Variants in SLC35E4 observed in about 807,000 individuals in gnomAD.
SLC35E4 encodes the protein solute carrier family 35 member E4.
A neutral mutation model predicts 19.3 loss-of-function variants in SLC35E4; 15 were observed. The ratio of observed to expected loss-of-function variants is 0.78; its 90% CI spans 0.52 to 1.20. The LOEUF is 1.20. Ranked by LOEUF, SLC35E4 falls within the 50% of genes most tolerant of loss-of-function variation. The pLI is 0.00. For synonymous variants in SLC35E4, 219 were observed against 219.9 expected, an observed-to-expected ratio of 1.00 and a Z score of 0.04; for missense variants, 406 against 472.3, an observed-to-expected ratio of 0.86 and a Z score of 1.30.
At chr22:30,638,174 G>C (rs987382897) in intron 1 of SLC35E4, among the ~76,000 whole-genome samples, 1 of 151,312 alleles carries the variant, frequency 6.6e-6, no homozygotes, top group African/African-American at 2.4e-5. Flanking sequence ...AGACCACCCT[G>C]GCCAACATGG....
At chr22:30,663,166 C>T (rs1467299609) in exon 3 of SLC35E4, 9 of 418,094 alleles carry the variant, frequency 2.2e-5, no homozygotes, top group Non-Finnish European at 3.9e-5. Context: ...GTGCTGCCCT[C>T]TTTCTTCTGG....
At chr22:30,662,421 T>G (rs1480503289) in exon 3 of SLC35E4, 1 of 152,208 alleles carries the variant, frequency 6.6e-6, no homozygotes, top group African/African-American at 2.4e-5. Flanking sequence ...TTAGGCCTGT[T>G]TTTCTCATGT....
chr22:30,656,269 A>C (rs751663721), intron 2 of SLC35E4, among the ~76,000 whole-genome samples: 6 of 152,006 alleles, frequency 3.9e-5, no homozygotes, highest in Non-Finnish European at 5.9e-5. Flanking sequence ...GAGCCACTGC[A>C]CTTGGACTCT....
exon 3 of SLC35E4, chr22:30,668,534 C>G (rs1191189688): frequency 6.6e-6 from 1 of 152,408 alleles, no homozygotes; most frequent in Non-Finnish European, 1.5e-5. Flanking sequence ...ATCCCCATCT[C>G]CAGTCCACAT....
Position 30,636,933 on chromosome 22 carries a change from A to G in SLC35E4, c.483A>G (p.Pro161=), listed in dbSNP as rs5997714. The change falls in exon 1 of 2, where the codon CCA becomes CCG. Residue 161 remains proline (P), a synonymous_variant. Transcript: ENST00000343605. ...SALLLGRRHH[P]LQLAAMGPLC... ...TGCTGCTGGGCCGCCGCCACCACCC[A>G]CTTCAGTTGGCCGCCATGGGTCCGC... 949,923 of 1,611,322 alleles carry G rather than the reference A, an allele frequency of 0.59. 285,748 individuals are homozygous for G. Among genetic ancestry groups the G allele is most frequent in the African/African-American group, 0.85 (64,101 of 75,004 alleles).
downstream of SLC35E4, chr22:30,649,025 G>GT (rs2088173889): frequency 4.0e-5 from 24 of 604,652 alleles, no homozygotes; most frequent in South Asian, 4.2e-4. Context: ...CTTGGCTCTT[G>GT]TAACACCTAA....
At position 30,644,803 on chromosome 22, in the gene SLC35E4, T is replaced by C. The variant is rs147743623; in HGVS notation, c.620-1795T>C. ...ACCCTGTCTCAAATAATAATAATAA[T>C]GTCATTTCGCCTGGGCACCCCTTTG... On this transcript the variant is annotated intron_variant, in intron 1 of 1. Coordinates refer to ENST00000343605, the MANE Select transcript of SLC35E4 (RefSeq NM_001001479.4). 2.3e-3 allele frequency among the ~76,000 whole-genome samples: 346 copies of C among 152,122 alleles called. 1 individual carries two copies. The highest frequency in any genetic ancestry group is 3.4e-3 in the Middle Eastern group (1 of 294).
intron 2 of SLC35E4, among the ~76,000 whole-genome samples, chr22:30,656,519 G>A (rs371556452): frequency 1.9e-4 from 29 of 152,304 alleles, no homozygotes; most frequent in African/African-American, 4.8e-4. Context: ...CTTTTGGAGT[G>A]AGAAAGTTAA....
At chr22:30,663,676 G>C, downstream of SLC35E4, 1 of 1,614,222 alleles carries the variant, frequency 6.2e-7, no homozygotes, top group East Asian at 2.2e-5. Flanking sequence ...GCAGCTGAGC[G>C]GCTCACACCA....
intron 2 of SLC35E4, chr22:30,662,024 T>TA (rs1264778655): frequency 7.6e-6 from 1 of 131,642 alleles, no homozygotes; most frequent in Non-Finnish European, 1.6e-5. Context: ...TGAAAGGACT[T>TA]AAACCATTTT....
At chr22:30,651,379 G>T (rs1042711481), downstream of SLC35E4, among the ~76,000 whole-genome samples, 5,065 of 28,722 alleles carry the variant, frequency 0.18, 242 homozygotes, top group East Asian at 0.43. Context: ...TTTTGTGTGT[G>T]TGTGTGTGTG....
chr22:30,666,308 A>G (rs549621597), downstream of SLC35E4, among the ~76,000 whole-genome samples: 227 of 152,228 alleles, frequency 1.5e-3, no homozygotes, highest in African/African-American at 5.0e-3. Context: ...GCGAGGAGTC[A>G]TTTTCATGCT....
At chr22:30,664,195 T>A (rs137884088), downstream of SLC35E4, 118 of 606,266 alleles carry the variant, frequency 1.9e-4, 1 homozygote, top group East Asian at 2.9e-3. Flanking sequence ...CCTCTGACCA[T>A]CACAGCAGAA....
intron 1 of SLC35E4, among the ~76,000 whole-genome samples, chr22:30,643,488 C>A (rs1281457857): frequency 1.3e-5 from 2 of 152,132 alleles, no homozygotes; most frequent in Non-Finnish European, 2.9e-5. Context: ...CCACACCATG[C>A]CCAGCTCTTC....
At chr22:30,657,276 A>AACAC (rs146940549) in intron 2 of SLC35E4, among the ~76,000 whole-genome samples, 14 of 14,180 alleles carry the variant, frequency 9.9e-4, no homozygotes, top group Middle Eastern at 0.022. Flanking sequence ...CTCTACTAAA[A>AACAC]ACACACACAC....
At chr22:30,649,380 GGAGACT>G, downstream of SLC35E4, 1 of 617,762 alleles carries the variant, frequency 1.6e-6, no homozygotes, top group Non-Finnish European at 3.0e-6. Flanking sequence ...TGTGGTCTAT[GGAGACT>G]GAGATTCAGG....
At chr22:30,650,784 G>A (rs1569061527), downstream of SLC35E4, among the ~76,000 whole-genome samples, 1 of 152,062 alleles carries the variant, frequency 6.6e-6, no homozygotes, top group Admixed American at 6.6e-5. Context: ...GCACATTTGA[G>A]AGTCCCCCAG....
rs566079419 is a variant in SLC35E4, at chr22:30,636,130, A to T, written c.-321A>T. On this transcript the variant is annotated 5_prime_UTR_variant, in exon 1 of 2. Coordinates refer to ENST00000343605, the MANE Select transcript of SLC35E4 (RefSeq NM_001001479.4). ...AGGAACGAGGATTTCATCTAAAAGCATAACGTGGGCACTAGGCGAGGAGGA... is the reference window on the plus strand; with the variant it reads ...AGGAACGAGGATTTCATCTAAAAGCTTAACGTGGGCACTAGGCGAGGAGGA... The T allele has an allele frequency of 2.8e-6, 1 of 361,056 alleles. No homozygotes were observed. The highest frequency in any genetic ancestry group is 2.1e-5 in the African/African-American group (1 of 48,024). The allele number at this position is 361,056 out of a possible 1,614,324, so 22.4% of individuals were successfully genotyped here.
At chr22:30,663,676 G>A (rs201450102), downstream of SLC35E4, 20 of 1,614,222 alleles carry the variant, frequency 1.2e-5, no homozygotes, top group African/African-American at 4.0e-5. Context: ...GCAGCTGAGC[G>A]GCTCACACCA....
Sources: gnomAD v4.1 joint callset for allele counts (sites outside exome capture counted in the v4.1 genomes callset) on GRCh38, gnomAD v4.1.1 for gene constraint, MANE v1.5 for transcripts, NCBI Gene and HGNC (gene_info 2026-07-23, HGNC 2026-07-21) for gene names.